Variants in CAMTA1 observed in about 807,000 individuals in gnomAD.
CAMTA1 encodes calmodulin-binding transcription activator 1.
A neutral mutation model predicts 170.9 loss-of-function variants in CAMTA1; 27 were observed. That is an observed-to-expected ratio of 0.16 (90% CI 0.12 to 0.22). The LOEUF (loss-of-function observed/expected upper bound fraction) is 0.22, where lower values mean the gene tolerates loss of function less well. CAMTA1 is among the 10% of genes least tolerant of loss of function. The probability of loss-of-function intolerance (pLI) is 1.00; values close to 1 mark genes in which losing one functional copy is unlikely to be tolerated. For synonymous variants in CAMTA1, 833 were observed against 891.5 expected (o/e 0.93, Z 1.17); for missense variants, 1,619 against 2,217.2 (o/e 0.73, Z 5.42).
At chr1:7,012,710 A>G (rs1239415121) in intron 3 of CAMTA1, among the ~76,000 whole-genome samples, 1 of 150,790 alleles carries the variant, frequency 6.6e-6, no homozygotes, top group Non-Finnish European at 1.5e-5. Context: ...CTTTCCTCTC[A>G]CCACTGGGGC....
At chr1:7,265,314 T>G (rs751604487) in intron 5 of CAMTA1, among the ~76,000 whole-genome samples, 7 of 152,190 alleles carry the variant, frequency 4.6e-5, no homozygotes, top group African/African-American at 1.7e-4. Flanking sequence ...CTTTTTAATT[T>G]TTTTTTTTAT....
At chr1:7,304,161 A>G (rs1378039994) in intron 5 of CAMTA1, among the ~76,000 whole-genome samples, 2 of 152,198 alleles carry the variant, frequency 1.3e-5, no homozygotes, top group East Asian at 3.9e-4. Context: ...TTGCACAACA[A>G]TGCGAACGTC....
intron 4 of CAMTA1, among the ~76,000 whole-genome samples, chr1:7,220,492 C>G (rs1023126915): frequency 6.6e-6 from 1 of 152,136 alleles, no homozygotes; most frequent in East Asian, 1.9e-4. Flanking sequence ...TTCCCGGGAG[C>G]GTTCAGATCC....
intron 16 of CAMTA1, among the ~76,000 whole-genome samples, chr1:7,743,539 T>A (rs2096833385): frequency 6.6e-6 from 1 of 152,096 alleles, no homozygotes; most frequent in South Asian, 2.1e-4. Flanking sequence ...AGGTTTGCTT[T>A]TTCTAGACAT....
intron 4 of CAMTA1, among the ~76,000 whole-genome samples, chr1:7,097,311 G>A (rs1440126146): frequency 2.6e-5 from 4 of 152,214 alleles, no homozygotes; most frequent in South Asian, 2.1e-4. Context: ...AGTTGGGGGC[G>A]GACAGAGTGT....
chr1:7,350,605 G>A (rs1383631004), intron 5 of CAMTA1, among the ~76,000 whole-genome samples: 1 of 152,154 alleles, frequency 6.6e-6, no homozygotes, highest in Non-Finnish European at 1.5e-5. Context: ...CCAACTGTTA[G>A]AAAATTTCAT....
rs187350375 is a variant in CAMTA1, at chr1:7,738,906, G to A, written c.4182+424G>A. Among the ~76,000 whole-genome samples, 4 of 152,268 alleles carry A rather than the reference G, an allele frequency of 2.6e-5. No individual in the cohort carries two copies. The highest frequency in any genetic ancestry group is 1.9e-4 in the East Asian group (1 of 5,178). ...TTGAATTATCTGAGTGACCTTGATC[G>A]GCATAGCTATCATCTAGCCATTGTA... On this transcript the variant is annotated intron_variant, in intron 16 of 22. Transcript: ENST00000303635. The surrounding 1 kb of genome is among the most constrained non-coding windows in gnomAD (Gnocchi z 4.9).
At chr1:7,112,434 T>C (rs1026453928) in intron 4 of CAMTA1, among the ~76,000 whole-genome samples, 16 of 152,186 alleles carry the variant, frequency 1.1e-4, no homozygotes, top group African/African-American at 3.4e-4. Flanking sequence ...GAGATGATTT[T>C]CCCCATTTTA....
In CAMTA1 at chr1:7,234,524, C is replaced by T. The variant is rs1006249585; in HGVS notation, c.303-14967C>T. Among the ~76,000 whole-genome samples, 8 of 152,194 alleles carry T rather than the reference C, an allele frequency of 5.3e-5. No homozygotes were observed. Among genetic ancestry groups the T allele is most frequent in the Non-Finnish European group, 7.3e-5 (5 of 68,048 alleles). The stretch of plus-strand genomic sequence containing the variant: ...GGGCTGTGGCACCCTCAGCACCCGG[C>T]GTGAATGCTCAGCCGTGATAGCTGC... On this transcript the variant is annotated intron_variant, in intron 4 of 22. Transcript: ENST00000303635. This position sits in a 1 kb window ranked among gnomAD's most constrained non-coding sequence, Gnocchi z 5.0.
intron 3 of CAMTA1, among the ~76,000 whole-genome samples, chr1:7,004,775 T>C (rs1356823749): frequency 2.0e-5 from 3 of 152,216 alleles, no homozygotes; most frequent in Non-Finnish European, 4.4e-5. Context: ...ATTTATTTAT[T>C]TATTGATTTG....
In CAMTA1 at chr1:6,971,889, A is replaced by T. The variant is rs1312586722; in HGVS notation, c.235-119415A>T. Reference sequence around the variant, plus strand: ...GCAAGGCCCGTCAGCCTCCCCAAAAAGCCAGAGCTGGCCTGGAGAGAGGAG... The same window carrying T: ...GCAAGGCCCGTCAGCCTCCCCAAAATGCCAGAGCTGGCCTGGAGAGAGGAG... On this transcript the variant is annotated intron_variant, in intron 3 of 22. Transcript: ENST00000303635. The surrounding 1 kb of genome is among the most constrained non-coding windows in gnomAD (Gnocchi z 4.6). 1.3e-5 allele frequency among the ~76,000 whole-genome samples: 2 copies of T among 152,228 alleles called. No individual in the cohort carries two copies. Among genetic ancestry groups the T allele is most frequent in the Non-Finnish European group, 2.9e-5 (2 of 68,046 alleles).
Position 7,661,718 on chromosome 1 carries a change from C to G in CAMTA1, c.665-8C>G. On this transcript the variant is annotated splice_polypyrimidine_tract_variant and splice_region_variant and intron_variant, in intron 7 of 22. Coordinates refer to ENST00000303635, the MANE Select transcript of CAMTA1 (RefSeq NM_015215.4). The stretch of plus-strand genomic sequence containing the variant: ...GCTCTGACAGCCCCCCTGCCTCTCT[C>G]TTCACAGTCCATGGCATCAAGTGGA... 6.2e-7 allele frequency: 1 copy of G among 1,613,986 alleles called. No homozygotes were observed. Among genetic ancestry groups the G allele is most frequent in the East Asian group, 2.2e-5 (1 of 44,870 alleles).
chr1:7,716,372 A>G (rs2096609911), intron 11 of CAMTA1, among the ~76,000 whole-genome samples: 1 of 152,170 alleles, frequency 6.6e-6, no homozygotes, highest in South Asian at 2.1e-4. Context: ...CTATTTTATT[A>G]GCCCCTAATA....
chr1:7,747,176 T>G (rs2096862950), intron 18 of CAMTA1, among the ~76,000 whole-genome samples: 1 of 152,236 alleles, frequency 6.6e-6, no homozygotes. Context: ...ACCCCTCTGC[T>G]GCTAGGAGGT....
rs751959731 is a variant in CAMTA1, at chr1:7,663,563, G to C, written c.1016G>C (p.Ser339Thr). The C allele has an allele frequency of 6.2e-7, 1 of 1,612,710 alleles. No homozygotes were observed. The highest frequency in any genetic ancestry group is 8.5e-7 in the Non-Finnish European group (1 of 1,178,904). ...GCCAAGCCCGTGCTCCTGCACCAGA[G>C]CAGCACCGAGGTCTCCTCCACCAAC... ...KVAKPVLLHQ[S>T]STEVSSTNQV... Residue 339 changes from serine (S) to threonine (T), a missense_variant, in exon 9 of 23, where the codon AGC becomes ACC. Physicochemically the swap from Ser to Thr is moderately conservative, Grantham distance 58 (BLOSUM62 1). Coordinates refer to ENST00000303635, the MANE Select transcript of CAMTA1 (RefSeq NM_015215.4).
At chr1:7,015,672 A>G (rs1700428531) in intron 3 of CAMTA1, among the ~76,000 whole-genome samples, 1 of 152,214 alleles carries the variant, frequency 6.6e-6, no homozygotes, top group African/African-American at 2.4e-5. Flanking sequence ...TCGCATTGCT[A>G]TAAAGAACTA....
rs541636238 is a variant in CAMTA1 at position 7,767,427 on chromosome 1, C to A, written c.*936C>A. On this transcript the variant is annotated 3_prime_UTR_variant, in exon 23 of 23. Coordinates refer to ENST00000303635, the MANE Select transcript of CAMTA1 (RefSeq NM_015215.4). The stretch of plus-strand genomic sequence containing the variant: ...CTTGCCTGGACATTTGCCACCTAAA[C>A]GATCAGTGTGGTGCTGCGTTCTGGC... 1 of 152,692 alleles carries A rather than the reference C, an allele frequency of 6.5e-6. No homozygotes were observed. Among genetic ancestry groups the A allele is most frequent in the African/African-American group, 2.4e-5 (1 of 41,422 alleles). 9.5% of individuals were successfully genotyped at this position (152,692 alleles called of 1,614,324 possible).
intron 22 of CAMTA1, among the ~76,000 whole-genome samples, chr1:7,757,158 G>A (rs1221748673): frequency 6.6e-6 from 1 of 152,146 alleles, no homozygotes; most frequent in Non-Finnish European, 1.5e-5. Context: ...CTAGACTTAT[G>A]TTGGTGCTAA....
At chr1:6,916,774 T>C (rs1428260917) in intron 3 of CAMTA1, among the ~76,000 whole-genome samples, 1 of 152,178 alleles carries the variant, frequency 6.6e-6, no homozygotes, top group Non-Finnish European at 1.5e-5. Flanking sequence ...CGTTTTCTGC[T>C]TTGTTCACCC....
Sources: gnomAD v4.1 joint callset for allele counts (sites outside exome capture counted in the v4.1 genomes callset) on GRCh38, gnomAD v4.1.1 for gene constraint, Gnocchi (gnomAD v3.1) non-coding constraint, MANE v1.5 for transcripts, NCBI Gene and HGNC (gene_info 2026-07-23, HGNC 2026-07-21) for gene names.